ADGRE2: variants seen among roughly 807,000 people sequenced by gnomAD.
ADGRE2 encodes the protein adhesion G protein-coupled receptor E2.
Under a neutral mutation model 100.8 loss-of-function variants are expected in ADGRE2, and 83 were observed. The ratio of observed to expected loss-of-function variants is 0.82; its 90% confidence interval spans 0.69 to 0.99. ADGRE2 has a LOEUF of 0.99. Among genes scored for constraint, ADGRE2 ranks in the 50% least tolerant of loss-of-function variants. The probability of loss-of-function intolerance (pLI) is 0.00; values close to 1 mark genes in which losing one functional copy is unlikely to be tolerated. For missense variants in ADGRE2, 814 were observed against 1,035.7 expected, an observed-to-expected ratio of 0.79 and a Z score of 2.94; for synonymous variants, 355 against 413.0, an observed-to-expected ratio of 0.86 and a Z score of 1.70.
the ADGRE2 span, among the ~76,000 whole-genome samples, chr19:14,727,209 T>C: frequency 6.6e-6 from 1 of 152,012 alleles, no homozygotes; most frequent in South Asian, 2.1e-4. Context: ...TTTGTATTTT[T>C]AGTAGAGACA....
chr19:14,761,893 C>T (rs945817474), intron 11 of ADGRE2, among the ~76,000 whole-genome samples: 4 of 152,174 alleles, frequency 2.6e-5, no homozygotes, highest in African/African-American at 9.7e-5. Context: ...ATCCGGTGCC[C>T]TCTGGCATGG....
chr19:14,737,956 G>C (rs566414598), intron 20 of ADGRE2, among the ~76,000 whole-genome samples: 17 of 146,286 alleles, frequency 1.2e-4, no homozygotes, highest in African/African-American at 4.4e-4. Context: ...CAGTCTGGGC[G>C]ACAGAGTAAA....
At chr19:14,767,209 A>G in intron 5 of ADGRE2, 100 bp from the exon 6 acceptor site, 1 of 1,546,684 alleles carries the variant, frequency 6.5e-7, no homozygotes. Context: ...TCTGGAAGGC[A>G]CCACTGTCTG....
intron 20 of ADGRE2, among the ~76,000 whole-genome samples, chr19:14,736,791 G>GATATTTAGAAATATCTAT (rs2042761364): frequency 2.2e-5 from 3 of 135,776 alleles, no homozygotes; most frequent in African/African-American, 5.5e-5. Flanking sequence ...TAGAAGTATA[G>GATATTTAGAAATATCTAT]ATATTTAGAA....
intron 5 of ADGRE2, among the ~76,000 whole-genome samples, chr19:14,767,646 C>T (rs989914958): frequency 3.9e-5 from 6 of 152,150 alleles, no homozygotes; most frequent in African/African-American, 1.4e-4. Flanking sequence ...TCCCCATCTC[C>T]CCTGCCTCCC....
In ADGRE2 at chr19:14,776,905, C is replaced by T. The variant is rs1169846260; in HGVS notation, c.-149G>A. On this transcript the variant is annotated 5_prime_UTR_variant, in exon 2 of 21. Transcript: ENST00000315576. ...GGGCGGACAGCCGCTGGCCCAGGGC[C>T]CTCCCCGGAACTGGCGGTGCAGCTG... The T allele has an allele frequency of 2.0e-6, 3 of 1,492,940 alleles. No individual in the cohort carries two copies. Among genetic ancestry groups the T allele is most frequent in the Non-Finnish European group, 2.7e-6 (3 of 1,116,806 alleles). The allele number at this position is 1,492,940 out of a possible 1,614,324, so 92.5% of individuals were successfully genotyped here.
At chr19:14,765,889 C>G (rs369541422) in intron 7 of ADGRE2, 85 bp from the exon 8 acceptor site, 310 of 1,469,444 alleles carry the variant, frequency 2.1e-4, no homozygotes, top group Admixed American at 2.0e-4. Context: ...TCGTTCCTCC[C>G]GGCATTAGTG....
intron 5 of ADGRE2, chr19:14,771,929 T>C (rs57951995): frequency 0.017 from 2,953 of 176,132 alleles, 82 homozygotes; most frequent in African/African-American, 0.079. Context: ...CATAATAACG[T>C]TTAAAGAATG....
chr19:14,744,283 G>T (rs889267300), intron 18 of ADGRE2, among the ~76,000 whole-genome samples: 1 of 151,436 alleles, frequency 6.6e-6, no homozygotes, highest in African/African-American at 2.4e-5. Context: ...TATGCAAAGA[G>T]ATTTCTGTGT....
chr19:14,766,335 G>T lies in ADGRE2; in HGVS notation c.534C>A (p.Thr178=). ...TSGQNPCHSS[T]HCLNNVGSYQ... ...AGCTGCCCACGTTGTTGAGGCAGTG[G>T]GTGGAGCTGTGGCATGGGTTTTGTC... Residue 178 remains threonine (T), a synonymous_variant, in exon 7 of 21, where the codon ACC becomes ACA. Coordinates refer to ENST00000315576, the MANE Select transcript of ADGRE2 (RefSeq NM_013447.4). The T allele has an allele frequency of 6.2e-7, 1 of 1,614,076 alleles. No homozygotes were observed. The highest frequency in any genetic ancestry group is 1.7e-4 in the Middle Eastern group (1 of 6,058).
chr19:14,730,059 T>C (rs938594295), downstream of ADGRE2, among the ~76,000 whole-genome samples: 4 of 152,114 alleles, frequency 2.6e-5, no homozygotes, highest in African/African-American at 9.7e-5. Flanking sequence ...TTATTTTTAT[T>C]TTTTATTTTT....
chr19:14,745,457 G>A (rs1007403607), intron 18 of ADGRE2, among the ~76,000 whole-genome samples: 2 of 152,014 alleles, frequency 1.3e-5, no homozygotes, highest in Middle Eastern at 3.2e-3. Flanking sequence ...ACAACATATT[G>A]TGAACTAGAG....
At position 14,766,511 on chromosome 19, in the gene ADGRE2, G is replaced by A. The variant is rs1420379924; in HGVS notation, c.488-130C>T. 13 of 1,178,878 alleles carry A rather than the reference G, an allele frequency of 1.1e-5. No homozygotes were observed. The South Asian group carries it at 1.7e-4, about 15-fold the overall frequency. The allele number at this position is 1,178,878 out of a possible 1,614,324, so 73.0% of individuals were successfully genotyped here. On this transcript the variant is annotated intron_variant, in intron 6 of 20. Coordinates refer to ENST00000315576, the MANE Select transcript of ADGRE2 (RefSeq NM_013447.4). ...CCATTATTGCACGTGCCACCACTTG[G>A]TGACCTTCAACTTCACCTTCAAAGC...
intron 5 of ADGRE2, among the ~76,000 whole-genome samples, chr19:14,770,764 C>A (rs2044177955): frequency 7.3e-6 from 1 of 137,158 alleles, no homozygotes; most frequent in African/African-American, 2.7e-5. Context: ...ACTGCAACCT[C>A]TGCCTCTGGG....
At chr19:14,741,865 C>T (rs1232057327) in intron 20 of ADGRE2, 34 of 395,032 alleles carry the variant, frequency 8.6e-5, no homozygotes. Context: ...CACATATAAT[C>T]TGGAGAAGAT....
intron 5 of ADGRE2, among the ~76,000 whole-genome samples, chr19:14,769,806 C>T (rs1317642989): frequency 6.6e-6 from 1 of 151,888 alleles, no homozygotes; most frequent in East Asian, 1.9e-4. Flanking sequence ...TCATGCCATT[C>T]TCCTGCCTCA....
intron 1 of ADGRE2, among the ~76,000 whole-genome samples, chr19:14,777,475 T>A (rs2044482272): frequency 7.4e-6 from 1 of 135,074 alleles, no homozygotes; most frequent in East Asian, 2.2e-4. Flanking sequence ...TTCTTTCTTT[T>A]TAAATTAATT....
chr19:14,761,049 G>A (rs530798572), intron 11 of ADGRE2, among the ~76,000 whole-genome samples: 1 of 152,332 alleles, frequency 6.6e-6, no homozygotes, highest in Non-Finnish European at 1.5e-5. Context: ...TTTCTGGACT[G>A]AACCAATGTA....
chr19:14,751,324 T>A, intron 16 of ADGRE2, 112 bp downstream of exon 16: 3 of 740,238 alleles, frequency 4.1e-6, no homozygotes, highest in Non-Finnish European at 7.0e-6. Flanking sequence ...CAATAGAGCC[T>A]AAAATCCCTA....
Sources: allele counts gnomAD v4.1 joint callset (sites outside exome capture counted in the v4.1 genomes callset), GRCh38; gene constraint gnomAD v4.1.1; transcripts MANE v1.5; gene names NCBI Gene and HGNC (gene_info 2026-07-23, HGNC 2026-07-21).